LEPR: variants seen among roughly 807,000 people sequenced by gnomAD.
LEPR encodes OB receptor.
Under a neutral mutation model 114.7 loss-of-function variants are expected in LEPR, and 56 were observed. The ratio of observed to expected loss-of-function variants is 0.49; its 90% CI spans 0.39 to 0.61. The LOEUF (loss-of-function observed/expected upper bound fraction) is 0.61, where lower values mean the gene tolerates loss of function less well. Ranked by LOEUF, LEPR falls within the 20% of genes least tolerant of loss-of-function variation. The pLI, the probability that LEPR is intolerant of heterozygous loss-of-function variation, is 0.00. For missense variants in LEPR, 1,202 were observed against 1,352.9 expected (o/e 0.89, Z 1.75); for synonymous variants, 443 against 461.4 (o/e 0.96, Z 0.51).
rs549422108 is a variant in LEPR, at chr1:65,632,158, G to A, written c.2674-4033G>A. Among the ~76,000 whole-genome samples, 7 of 152,152 alleles carry A rather than the reference G, an allele frequency of 4.6e-5. No individual in the cohort carries two copies. In the South Asian group the frequency reaches 1.2e-3, roughly 27 times the overall value. The stretch of plus-strand genomic sequence containing the variant: ...TCCAAATAAAGCAGCTCAATAACCC[G>A]TGGCCTCCCAGAACACCATCCTCAC... On this transcript the variant is annotated intron_variant, in intron 19 of 19. Transcript: ENST00000349533.
At chr1:65,578,077 GT>G (rs1033571842) in intron 5 of LEPR, among the ~76,000 whole-genome samples, 1 of 151,172 alleles carries the variant, frequency 6.6e-6, no homozygotes, top group African/African-American at 2.5e-5. Context: ...CGGTTCCTGT[GT>G]TAGTCTGCTG....
intron 5 of LEPR, among the ~76,000 whole-genome samples, chr1:65,572,672 T>C (rs1654285553): frequency 6.6e-6 from 1 of 152,060 alleles, no homozygotes. Context: ...GGTCCATGAG[T>C]ATACCAAATG....
rs148696149 is a variant in LEPR at position 65,433,559 on chromosome 1, A to G, written c.-21+8181A>G. The G allele has an allele frequency of 1.3e-3, 1,246 of 984,948 alleles. 16 individuals carry two copies. In the African/African-American group the frequency reaches 0.021, roughly 16 times the overall value. 61.0% of individuals were successfully genotyped at this position (984,948 alleles called of 1,614,324 possible). A position where few individuals can be genotyped will look rare whatever the true frequency, so the allele number is the denominator to read the frequency against. ...CTTGAGGCTTGTGATCTGAGTAATT[A>G]GCAGGTATGATGCTGGGACTGGAAA... On this transcript the variant is annotated intron_variant, in intron 2 of 19. Transcript: ENST00000349533.
At position 65,633,429 on chromosome 1, in the gene LEPR, C is replaced by A; in HGVS notation, c.2674-2762C>A. Reference sequence around the variant, plus strand: ...TCATCTAAAGTTTAAAAGTAGTATTCATGATTTCTGGCTTTTGATTTGTCA... The same window carrying A: ...TCATCTAAAGTTTAAAAGTAGTATTAATGATTTCTGGCTTTTGATTTGTCA... On this transcript the variant is annotated intron_variant, in intron 19 of 19. Coordinates refer to ENST00000349533, the MANE Select transcript of LEPR (RefSeq NM_002303.6). The surrounding 1 kb of genome is among the most constrained non-coding windows in gnomAD (Gnocchi z 4.1). 1 of 1,284,652 alleles carries A rather than the reference C, an allele frequency of 7.8e-7. No homozygotes were observed. The highest frequency in any genetic ancestry group is 9.8e-7 in the Non-Finnish European group (1 of 1,017,154). 79.6% of individuals were successfully genotyped at this position (1,284,652 alleles called of 1,614,324 possible).
intron 2 of LEPR, among the ~76,000 whole-genome samples, chr1:65,544,702 GT>G (rs60771321): frequency 0.066 from 9,780 of 149,106 alleles, 530 homozygotes; most frequent in South Asian, 0.27. Context: ...CAATCATGCG[GT>G]TTTTTTTTGC....
intron 2 of LEPR, among the ~76,000 whole-genome samples, chr1:65,556,589 A>T (rs1570686327): frequency 6.6e-6 from 1 of 152,128 alleles, no homozygotes; most frequent in East Asian, 1.9e-4. Flanking sequence ...TGTTCCAAAA[A>T]ATGGTTAAGA....
chr1:65,613,623 G>GGC (rs1423710527), intron 14 of LEPR, among the ~76,000 whole-genome samples: 1 of 129,678 alleles, frequency 7.7e-6, no homozygotes, highest in African/African-American at 2.8e-5. Flanking sequence ...CGCGGTGGCG[G>GGC]GCGCCTGTAG....
intron 5 of LEPR, 129 bp downstream of exon 5, chr1:65,572,578 A>C (rs1343717794): frequency 2.0e-6 from 2 of 983,808 alleles, no homozygotes; most frequent in African/African-American, 3.3e-5. Flanking sequence ...TTTTTAATAT[A>C]GCATTCTGCT....
intron 2 of LEPR, among the ~76,000 whole-genome samples, chr1:65,555,076 G>T (rs1652720250): frequency 6.6e-6 from 1 of 152,064 alleles, no homozygotes; most frequent in South Asian, 2.1e-4. Context: ...GATGAGCCGG[G>T]TACCTCAGTT....
intron 2 of LEPR, among the ~76,000 whole-genome samples, chr1:65,543,229 T>C (rs968323395): frequency 2.0e-5 from 3 of 152,198 alleles, no homozygotes; most frequent in Non-Finnish European, 4.4e-5. Flanking sequence ...TGAGCTTTTT[T>C]TTCATATGTT....
chr1:65,614,567 G>C (rs528971822), intron 14 of LEPR, among the ~76,000 whole-genome samples: 45 of 152,252 alleles, frequency 3.0e-4, no homozygotes, highest in Middle Eastern at 3.4e-3. Flanking sequence ...TAACAATTAT[G>C]GTACTGCTCT....
intron 2 of LEPR, among the ~76,000 whole-genome samples, chr1:65,427,363 C>T (rs1170867203): frequency 1.3e-5 from 2 of 152,100 alleles, no homozygotes; most frequent in African/African-American, 2.4e-5. Context: ...TGCTTGAAGC[C>T]AGGAGTTTGA....
intron 2 of LEPR, among the ~76,000 whole-genome samples, chr1:65,479,239 T>C (rs1647191031): frequency 6.6e-6 from 1 of 151,632 alleles, no homozygotes; most frequent in African/African-American, 2.4e-5. Context: ...GAAATGCACC[T>C]AAGTCCCATA....
intron 5 of LEPR, among the ~76,000 whole-genome samples, chr1:65,578,796 C>G (rs1314244686): frequency 6.6e-6 from 1 of 152,104 alleles, no homozygotes. Context: ...TAGAAACACA[C>G]ACACACACAA....
rs764219691 is a variant in LEPR at position 65,570,587 on chromosome 1, G to C, written c.155G>C (p.Gly52Ala). 1 of 1,613,896 alleles carries C rather than the reference G, an allele frequency of 6.2e-7. No homozygotes were observed. The highest frequency in any genetic ancestry group is 8.5e-7 in the Non-Finnish European group (1 of 1,179,928). The change falls in exon 4 of 20, where the codon GGA (glycine) becomes GCA (alanine). Residue 52 changes from glycine to alanine, a missense_variant. Gly to Ala is a moderately conservative substitution (Grantham distance 60). Transcript: ENST00000349533. ...TATGACTACTTCCTTTTGCCTGCTG[G>C]ACTCTCAAAGAATACTTCAAATTCG... ...STYDYFLLPA[G>A]LSKNTSNSNG...
At chr1:65,517,881 C>T (rs1171631371) in intron 2 of LEPR, among the ~76,000 whole-genome samples, 2 of 152,226 alleles carry the variant, frequency 1.3e-5, no homozygotes. Context: ...GCTCCCTCTT[C>T]ATTCCACACA....
At chr1:65,426,748 C>T (rs987781121) in intron 2 of LEPR, among the ~76,000 whole-genome samples, 1 of 152,132 alleles carries the variant, frequency 6.6e-6, no homozygotes, top group Non-Finnish European at 1.5e-5. Flanking sequence ...CCTGTAATCC[C>T]AGCACTTTGG....
rs531684351 is a variant in LEPR at position 65,570,640 on chromosome 1, C to T, written c.208C>T (p.Pro70Ser). 9.3e-6 allele frequency: 15 copies of T among 1,613,958 alleles called. No homozygotes were observed. Among genetic ancestry groups the T allele is most frequent in the Non-Finnish European group, 1.3e-5 (15 of 1,179,938 alleles). The stretch of plus-strand genomic sequence containing the variant: ...TGGACATTATGAGACAGCTGTTGAA[C>T]CTAAGTTTAATTCAAGTGGTACTCA... ...SNGHYETAVE[P>S]KFNSSGTHFS... Residue 70 changes from proline to serine, a missense_variant, in exon 4 of 20, where the codon CCT becomes TCT. By Grantham distance (74) the Pro-to-Ser change is moderately conservative. Transcript: ENST00000349533.
chr1:65,426,243 G>A (rs970877640), intron 2 of LEPR, among the ~76,000 whole-genome samples: 3 of 134,180 alleles, frequency 2.2e-5, no homozygotes, highest in East Asian at 1.9e-4. Context: ...AGACATGAAA[G>A]TGTATATAGC....
Sources: allele counts gnomAD v4.1 joint callset (sites outside exome capture counted in the v4.1 genomes callset), GRCh38; gene constraint gnomAD v4.1.1; non-coding constraint Gnocchi (gnomAD v3.1); transcripts MANE v1.5; gene names NCBI Gene and HGNC (gene_info 2026-07-23, HGNC 2026-07-21).